SLC12A3: variants seen among roughly 807,000 people sequenced by gnomAD.
The protein encoded by SLC12A3 is solute carrier family 12 member 3, also known as Na-Cl cotransporter.
Under a neutral mutation model 121.0 loss-of-function variants are expected in SLC12A3, and 104 were observed. The ratio of observed to expected loss-of-function variants is 0.86; its 90% confidence interval spans 0.73 to 1.01. SLC12A3 has a LOEUF of 1.01. SLC12A3 is among the 50% of genes least tolerant of loss of function. The probability of loss-of-function intolerance (pLI) is 0.00; values close to 1 mark genes in which losing one functional copy is unlikely to be tolerated. For synonymous variants in SLC12A3, 536 were observed against 533.4 expected, an observed-to-expected ratio of 1.00 and a Z score of -0.07; for missense variants, 1,328 against 1,356.3, an observed-to-expected ratio of 0.98 and a Z score of 0.33.
intron 8 of SLC12A3, among the ~76,000 whole-genome samples, chr16:56,875,509 G>A (rs915407412): frequency 6.6e-6 from 1 of 152,138 alleles, no homozygotes; most frequent in Non-Finnish European, 1.5e-5. Flanking sequence ...TACACAGGTG[G>A]CAGAGGAGCC....
intron 22 of SLC12A3, 90 bp downstream of exon 22, chr16:56,894,732 C>T (rs1483856496): frequency 5.3e-6 from 5 of 945,340 alleles, no homozygotes; most frequent in Non-Finnish European, 8.4e-6. Context: ...AGATCCTCTA[C>T]CACCACCCCC....
chr16:56,908,070 G>C (rs2055630857), intron 25 of SLC12A3, among the ~76,000 whole-genome samples: 1 of 147,172 alleles, frequency 6.8e-6, no homozygotes, highest in Non-Finnish European at 1.5e-5. Context: ...CTGGGACTCA[G>C]TATTCCTCAT....
chr16:56,872,762 G>T lies in SLC12A3; in HGVS notation c.1071G>T (p.Gly357=). The T allele has an allele frequency of 6.2e-7, 1 of 1,614,242 alleles. No individual in the cohort carries two copies. Among genetic ancestry groups the T allele is most frequent in the Non-Finnish European group, 8.5e-7 (1 of 1,180,044 alleles). ...CCTCGGCCACAGGCATCCTGGCAGG[G>T]GCCAACATATCTGGTGACCTCAAGG... The part of the protein sequence containing the change: ...FFPSATGILA[G]ANISGDLKDP... Residue 357 remains glycine, a synonymous_variant, in exon 8 of 26, where the codon GGG becomes GGT. Transcript: ENST00000563236.
chr16:56,895,588 C>G (rs2055451855), intron 22 of SLC12A3, among the ~76,000 whole-genome samples: 1 of 151,642 alleles, frequency 6.6e-6, no homozygotes, highest in East Asian at 1.9e-4. Flanking sequence ...GAACACGCCT[C>G]CTCCTGAGAA....
chr16:56,915,645 C>A lies in SLC12A3; in HGVS notation c.*2240C>A, dbSNP rs1434288564. 6.6e-6 allele frequency: 1 copy of A among 152,158 alleles called. No individual in the cohort carries two copies. The highest frequency in any genetic ancestry group is 1.5e-5 in the Non-Finnish European group (1 of 68,032). 9.4% of individuals were successfully genotyped at this position (152,158 alleles called of 1,614,324 possible). On this transcript the variant is annotated 3_prime_UTR_variant, in exon 26 of 26. Transcript: ENST00000563236. ...GGCCTTTCTAGAGCCACGTAGAAAA[C>A]AATTTTCTGGTTCTTCAAACCTCAA...
At position 56,887,002 on chromosome 16, in the gene SLC12A3, A is replaced by C. The variant is rs1330027016; in HGVS notation, c.2087A>C (p.His696Pro). 6.2e-7 allele frequency: 1 copy of C among 1,612,886 alleles called. No individual in the cohort carries two copies. Among genetic ancestry groups the C allele is most frequent in the Non-Finnish European group, 8.5e-7 (1 of 1,179,600 alleles). ...GAGCTCCAGCTCATCGCCAACGGGC[A>C]CACCAAGTGGCTGAACAAGAGGAAG... ...MPELQLIANGHTKWLNKRKIK... is the reference protein window; with the variant it reads ...MPELQLIANGPTKWLNKRKIK... The change falls in exon 17 of 26, where the codon CAC becomes CCC. Residue 696 changes from histidine to proline, a missense_variant. His to Pro is a moderately conservative substitution (Grantham distance 77). Coordinates refer to ENST00000563236, the MANE Select transcript of SLC12A3 (RefSeq NM_001126108.2).
At chr16:56,866,552 C>A (rs1964360982) in intron 1 of SLC12A3, among the ~76,000 whole-genome samples, 1 of 152,130 alleles carries the variant, frequency 6.6e-6, no homozygotes, top group African/African-American at 2.4e-5. Context: ...TGATAATAAT[C>A]CTGTCGCCCA....
intron 25 of SLC12A3, among the ~76,000 whole-genome samples, chr16:56,909,591 CTAT>C (rs1324115372): frequency 1.3e-5 from 2 of 152,184 alleles, no homozygotes; most frequent in East Asian, 3.9e-4. Context: ...GAGGCCCCAG[CTAT>C]TGGGCCAAGT....
At chr16:56,872,955 G>A (rs529585425) in intron 8 of SLC12A3, among the ~76,000 whole-genome samples, 169 bp downstream of exon 8, 2 of 152,348 alleles carry the variant, frequency 1.3e-5, no homozygotes, top group South Asian at 2.1e-4. Flanking sequence ...ATTCCATTCC[G>A]TTCTGAGGTT....
intron 18 of SLC12A3, 82 bp from the exon 19 acceptor site, chr16:56,890,192 A>C: frequency 3.0e-6 from 3 of 1,002,048 alleles, no homozygotes; most frequent in South Asian, 1.3e-5. Context: ...AGCCAACTCT[A>C]GATATCTGGT....
intron 8 of SLC12A3, 80 bp downstream of exon 8, chr16:56,872,866 C>T: frequency 6.3e-7 from 1 of 1,580,364 alleles, no homozygotes; most frequent in Non-Finnish European, 8.7e-7. Context: ...GCTCTAGTGG[C>T]ATCTGCCGCT....
At chr16:56,874,159 C>T (rs1483248602) in intron 8 of SLC12A3, among the ~76,000 whole-genome samples, 1 of 152,232 alleles carries the variant, frequency 6.6e-6, no homozygotes, top group Non-Finnish European at 1.5e-5. Context: ...TCTCCCTATT[C>T]CCTCCCAGCT....
chr16:56,883,283 T>C (rs113685516), intron 13 of SLC12A3, among the ~76,000 whole-genome samples: 68 of 146,990 alleles, frequency 4.6e-4, no homozygotes, highest in African/African-American at 1.1e-3. Flanking sequence ...TTCTTTCTTT[T>C]TTTTTTTTTT....
intron 13 of SLC12A3, 50 bp downstream of exon 13, chr16:56,882,547 G>A: frequency 1.4e-6 from 2 of 1,419,388 alleles, no homozygotes; most frequent in South Asian, 1.1e-5. Context: ...GGGGGCAGGA[G>A]GAACTGGGGC....
chr16:56,865,231 C>CGACAATG lies in SLC12A3; in HGVS notation c.-3_4dup, dbSNP rs1567423383. 1 of 1,613,362 alleles carries CGACAATG rather than the reference C, an allele frequency of 6.2e-7. No homozygotes were observed. The highest frequency in any genetic ancestry group is 8.5e-7 in the Non-Finnish European group (1 of 1,179,934). ...CCTGGCCCCTCCCTGGACACCCAGGCGACAATGGCAGAACTGCCCACAACA... is the reference window on the plus strand; with the variant it reads ...CCTGGCCCCTCCCTGGACACCCAGGCGACAATGGACAATGGCAGAACTGCCCACAACA... On this transcript the variant is annotated 5_prime_UTR_variant, in exon 1 of 26. It adds an upstream start codon to the 5' untranslated region. Coordinates refer to ENST00000563236, the MANE Select transcript of SLC12A3 (RefSeq NM_001126108.2).
At position 56,869,723 on chromosome 16, in the gene SLC12A3, C is replaced by T; in HGVS notation, c.506-6C>T. 6.2e-7 allele frequency: 1 copy of T among 1,613,754 alleles called. No individual in the cohort carries two copies. Among genetic ancestry groups the T allele is most frequent in the South Asian group, 1.1e-5 (1 of 91,048 alleles). On this transcript the variant is annotated splice_region_variant and splice_polypyrimidine_tract_variant and intron_variant, in intron 3 of 25. Transcript: ENST00000563236. ...GCCCTGCCTAAGCTTTGGGTGCCCC[C>T]TGCAGTCCTGACCTGGATCATCATC... is the stretch of plus-strand genomic sequence containing the variant.
At position 56,865,354 on chromosome 16, in the gene SLC12A3, GC is replaced by G; in HGVS notation, c.121del (p.His41ThrfsTer5). 1 of 1,614,164 alleles carries G rather than the reference GC, an allele frequency of 6.2e-7. No homozygotes were observed. The highest frequency in any genetic ancestry group is 8.5e-7 in the Non-Finnish European group (1 of 1,180,048). On this transcript the variant is annotated frameshift_variant, in exon 1 of 26. Coordinates refer to ENST00000563236, the MANE Select transcript of SLC12A3 (RefSeq NM_001126108.2). LOFTEE classifies it high-confidence loss of function. The stretch of plus-strand genomic sequence containing the variant: ...TCTCCACCAGCTGCCTATGACAGCA[GC>G]CACCCCAGCCACCTGACCCACAGCA... ...EPSPPAAYDS[S>X]HPSHLTHSST...
chr16:56,915,458 C>T lies in SLC12A3; in HGVS notation c.*2053C>T, dbSNP rs2055739158. 1 of 152,274 alleles carries T rather than the reference C, an allele frequency of 6.6e-6. No homozygotes were observed. Among genetic ancestry groups the T allele is most frequent in the African/African-American group, 2.4e-5 (1 of 41,460 alleles). The allele number at this position is 152,274 out of a possible 1,614,324, so 9.4% of individuals were successfully genotyped here. A position where few individuals can be genotyped will look rare whatever the true frequency, so the allele number is the denominator to read the frequency against. ...GCTCTGAAGCCCCACTGTCTGACCG[C>T]CTCAGGGCTTGCTACGAGGGACTGG... On this transcript the variant is annotated 3_prime_UTR_variant, in exon 26 of 26. Transcript: ENST00000563236.
At chr16:56,886,596 C>T (rs2055315010) in intron 16 of SLC12A3, 121 bp downstream of exon 16, 3 of 881,164 alleles carry the variant, frequency 3.4e-6, no homozygotes, top group Non-Finnish European at 3.6e-6. Context: ...ACCAGCCTGG[C>T]CAACACAGCT....
Sources: allele counts gnomAD v4.1 joint callset (sites outside exome capture counted in the v4.1 genomes callset), GRCh38; gene constraint gnomAD v4.1.1; transcripts MANE v1.5; gene names NCBI Gene and HGNC (gene_info 2026-07-23, HGNC 2026-07-21).